Variants in SPATC1 observed in about 807,000 individuals in gnomAD.
SPATC1 encodes the protein speriolin.
A neutral mutation model predicts 36.5 loss-of-function variants in SPATC1; 35 were observed. That is an observed-to-expected ratio of 0.96 (90% CI 0.73 to 1.27). The LOEUF (loss-of-function observed/expected upper bound fraction) is 1.27. Among genes scored for constraint, SPATC1 ranks in the 50% most tolerant of loss-of-function variants. The probability of loss-of-function intolerance (pLI) is 0.00; values close to 1 mark genes in which losing one functional copy is unlikely to be tolerated. For synonymous variants in SPATC1, 361 were observed against 353.6 expected (o/e 1.02, Z -0.24); for missense variants, 779 against 796.0 (o/e 0.98, Z 0.26).
chr8:144,042,961 A>G (rs1313624305), intron 4 of SPATC1, among the ~76,000 whole-genome samples: 9 of 148,280 alleles, frequency 6.1e-5, no homozygotes, highest in African/African-American at 2.0e-4. Context: ...GCTAACTGGG[A>G]CTACGGGCAT....
intron 4 of SPATC1, among the ~76,000 whole-genome samples, chr8:144,041,588 A>G (rs1835102383): frequency 6.6e-6 from 1 of 152,164 alleles, no homozygotes. Context: ...GGTTTTCAGC[A>G]TGGTCGGGCG....
At position 144,045,423 on chromosome 8, in the gene SPATC1, G is replaced by C. The variant is rs1835233260; in HGVS notation, c.1447-1204G>C. Reference sequence around the variant, plus strand: ...CCCCAAGACTGGTACCCTGCGCCTGGAGCCTTCCCCGAGGGGTGGTGCCTG... The same window carrying C: ...CCCCAAGACTGGTACCCTGCGCCTGCAGCCTTCCCCGAGGGGTGGTGCCTG... On this transcript the variant is annotated intron_variant, in intron 4 of 4. Coordinates refer to ENST00000377470, the MANE Select transcript of SPATC1 (RefSeq NM_198572.3). This position sits in a 1 kb window ranked among gnomAD's most constrained non-coding sequence, Gnocchi z 5.2. Among the ~76,000 whole-genome samples the C allele has an allele frequency of 6.6e-6, 1 of 152,230 alleles. No individual in the cohort carries two copies. The highest frequency in any genetic ancestry group is 6.5e-5 in the Admixed American group (1 of 15,288).
chr8:144,030,197 A>T (rs963845618), intron 1 of SPATC1, among the ~76,000 whole-genome samples: 2 of 152,048 alleles, frequency 1.3e-5, no homozygotes, highest in East Asian at 3.8e-4. Flanking sequence ...ATCTAAAGTG[A>T]GTCTCTTTTA....
chr8:144,042,311 A>ATTTTTTTT (rs1184651892), intron 4 of SPATC1, among the ~76,000 whole-genome samples: 5 of 23,884 alleles, frequency 2.1e-4, no homozygotes, highest in African/African-American at 2.4e-4. Flanking sequence ...ATATATATAT[A>ATTTTTTTT]TTTTTTTTTT....
chr8:144,038,737 G>A (rs1313919765), intron 1 of SPATC1, among the ~76,000 whole-genome samples: 1 of 152,100 alleles, frequency 6.6e-6, no homozygotes. Context: ...TTTTTAAATG[G>A]TTAAAAGAAG....
intron 1 of SPATC1, 162 bp downstream of exon 1, chr8:144,012,888 C>G: frequency 1.3e-6 from 1 of 773,306 alleles, no homozygotes; most frequent in Non-Finnish European, 2.1e-6. Context: ...TGCTTCCTGT[C>G]CTGGAGGAGG....
At chr8:144,039,238 G>A (rs897382993) in intron 1 of SPATC1, among the ~76,000 whole-genome samples, 1 of 152,234 alleles carries the variant, frequency 6.6e-6, no homozygotes, top group Non-Finnish European at 1.5e-5. Context: ...GCCAGAAAAA[G>A]GAGCACTCCT....
intron 4 of SPATC1, chr8:144,041,996 T>C: frequency 3.0e-6 from 3 of 985,230 alleles, no homozygotes; most frequent in Non-Finnish European, 3.6e-6. Context: ...GGACTCTCGC[T>C]CTGTCACCTG....
intron 1 of SPATC1, among the ~76,000 whole-genome samples, chr8:144,015,221 G>T (rs957558229): frequency 1.4e-4 from 20 of 143,720 alleles, no homozygotes; most frequent in Admixed American, 1.0e-3. Context: ...TTTTTTTTTG[G>T]TGTATTTTTA....
chr8:144,027,343 T>C (rs1834705847), intron 1 of SPATC1, among the ~76,000 whole-genome samples: 2 of 152,218 alleles, frequency 1.3e-5, no homozygotes. Context: ...ACACTGGATA[T>C]AGTCCCTCCT....
chr8:144,016,695 G>C lies in SPATC1; in HGVS notation c.211+3969G>C, dbSNP rs1266484790. On this transcript the variant is annotated intron_variant, in intron 1 of 4. Coordinates refer to ENST00000377470, the MANE Select transcript of SPATC1 (RefSeq NM_198572.3). This position sits in a 1 kb window ranked among gnomAD's most constrained non-coding sequence, Gnocchi z 4.5. ...TTGTTGCCCAGGCTGGAGTGCAATG[G>C]CGCAATCTCGGCTCACCGCAACCTC... 6.6e-6 allele frequency among the ~76,000 whole-genome samples: 1 copy of C among 152,098 alleles called. No homozygotes were observed. Among genetic ancestry groups the C allele is most frequent in the Non-Finnish European group, 1.5e-5 (1 of 68,008 alleles).
chr8:144,021,604 A>AC (rs1473784167), intron 1 of SPATC1, among the ~76,000 whole-genome samples: 1 of 115,032 alleles, frequency 8.7e-6, no homozygotes. Flanking sequence ...TCACCTCAGG[A>AC]CCCTCTGTCC....
chr8:144,042,309 ATATTTTTTTTTTT>A, intron 4 of SPATC1, among the ~76,000 whole-genome samples: 1 of 42,402 alleles, frequency 2.4e-5, no homozygotes, highest in Admixed American at 3.4e-4. Flanking sequence ...ATATATATAT[ATATTTTTTTTTTT>A]TTTTTTTTTT....
At chr8:144,030,917 T>C (rs1834780453) in intron 1 of SPATC1, among the ~76,000 whole-genome samples, 1 of 152,182 alleles carries the variant, frequency 6.6e-6, no homozygotes, top group Admixed American at 6.5e-5. Flanking sequence ...ATATAAATAA[T>C]ATATAACTCT....
chr8:144,024,608 C>G (rs976838736), intron 1 of SPATC1, among the ~76,000 whole-genome samples: 7 of 151,102 alleles, frequency 4.6e-5, no homozygotes, highest in African/African-American at 1.7e-4. Context: ...TCAGAACCCT[C>G]TCTCCTGAAG....
In SPATC1 at chr8:144,030,423, G is replaced by A. The variant is rs1040741167; in HGVS notation, c.212-9486G>A. Among the ~76,000 whole-genome samples the A allele has an allele frequency of 1.3e-3, 197 of 152,296 alleles. 1 individual carries two copies. Among genetic ancestry groups the A allele is most frequent in the Middle Eastern group, 6.8e-3 (2 of 294 alleles). On this transcript the variant is annotated intron_variant, in intron 1 of 4. Coordinates refer to ENST00000377470, the MANE Select transcript of SPATC1 (RefSeq NM_198572.3). ...CACCCAGGCTGGAGTGCAGTGGCAC[G>A]TCTCAGCTCACTGCAGCCTCCGCCT...
At chr8:144,041,835 C>T in intron 4 of SPATC1, 1 of 550,072 alleles carries the variant, frequency 1.8e-6, no homozygotes, top group African/African-American at 2.1e-5. Flanking sequence ...TTTTTCTCTC[C>T]AGCTGTGTTT....
intron 1 of SPATC1, among the ~76,000 whole-genome samples, chr8:144,028,575 A>G (rs1333847261): frequency 1.3e-5 from 2 of 152,246 alleles, no homozygotes; most frequent in Admixed American, 6.5e-5. Context: ...GAGGCTGTGG[A>G]GAAATAAGAA....
At chr8:144,012,903 A>G (rs1435861439) in intron 1 of SPATC1, 177 bp downstream of exon 1, 6 of 714,820 alleles carry the variant, frequency 8.4e-6, no homozygotes, top group Admixed American at 2.5e-5. Context: ...AGGAGGCTGC[A>G]TTCCCTCCTG....
Sources: allele counts gnomAD v4.1 joint callset (sites outside exome capture counted in the v4.1 genomes callset), GRCh38; gene constraint gnomAD v4.1.1; non-coding constraint Gnocchi (gnomAD v3.1); transcripts MANE v1.5; gene names NCBI Gene and HGNC (gene_info 2026-07-23, HGNC 2026-07-21).